The following PARM1 variants were observed in gnomAD, a reference collection of about 807,000 sequenced individuals.
PARM1 encodes the protein prostate androgen-regulated mucin-like protein 1.
PARM1 carries 14 observed loss-of-function variants against 24.6 expected under a neutral mutation model. The observed-to-expected ratio is 0.57, with a 90% CI of 0.38 to 0.89. The LOEUF (loss-of-function observed/expected upper bound fraction) is 0.89. Ranked by LOEUF, PARM1 falls within the 40% of genes least tolerant of loss-of-function variation. The pLI, the probability that PARM1 is intolerant of heterozygous loss-of-function variation, is 0.00. For synonymous variants in PARM1, 179 were observed against 156.6 expected, an observed-to-expected ratio of 1.14 and a Z score of -1.07; for missense variants, 362 against 380.4, an observed-to-expected ratio of 0.95 and a Z score of 0.40.
chr4:74,995,813 C>T (rs17386703), intron 1 of PARM1, among the ~76,000 whole-genome samples: 8,028 of 152,252 alleles, frequency 0.053, 230 homozygotes, highest in Middle Eastern at 0.092. Context: ...TGTCTGCCCT[C>T]ACCAGAGCGA....
intron 2 of PARM1, among the ~76,000 whole-genome samples, chr4:75,023,052 G>C (rs1723118829): frequency 6.6e-6 from 1 of 152,142 alleles, no homozygotes; most frequent in Admixed American, 6.5e-5. Context: ...GTAGACCAGA[G>C]GCTCAAAGAT....
Position 74,958,515 on chromosome 4 carries a change from G to C in PARM1, c.43+25145G>C, listed in dbSNP as rs537407094. On this transcript the variant is annotated intron_variant, in intron 1 of 3. Coordinates refer to ENST00000307428, the MANE Select transcript of PARM1 (RefSeq NM_015393.4). ...TGCCAAGCAAAGAAAATGAAAAGCT[G>C]GGGGTAGAGGAGTACTCTGACAAAG... Among the ~76,000 whole-genome samples, 50 of 152,274 alleles carry C rather than the reference G, an allele frequency of 3.3e-4. 2 individuals carry two copies. The South Asian group carries it at 9.7e-3, about 30-fold the overall frequency.
At chr4:74,965,286 T>G (rs1721874182) in intron 1 of PARM1, 1 of 152,230 alleles carries the variant, frequency 6.6e-6, no homozygotes, top group African/African-American at 2.4e-5. Context: ...TCTGCGCAGA[T>G]AGTCTTCAGA....
intron 1 of PARM1, among the ~76,000 whole-genome samples, chr4:74,944,115 G>A (rs1721363688): frequency 6.6e-6 from 1 of 152,142 alleles, no homozygotes; most frequent in African/African-American, 2.4e-5. Context: ...AAATCCCCAA[G>A]GTTGGCATAT....
intron 1 of PARM1, among the ~76,000 whole-genome samples, chr4:74,969,173 A>T (rs893486713): frequency 2.6e-5 from 4 of 152,156 alleles, no homozygotes; most frequent in Non-Finnish European, 5.9e-5. Flanking sequence ...GGCAGCCGAC[A>T]TCCCCTACTC....
chr4:74,991,504 A>G (rs1475098625), intron 1 of PARM1, among the ~76,000 whole-genome samples: 1 of 151,282 alleles, frequency 6.6e-6, no homozygotes, highest in African/African-American at 2.4e-5. Flanking sequence ...GAGGCAGAGT[A>G]CCAGAGATGC....
chr4:75,023,607 C>A (rs1345715558), intron 2 of PARM1, among the ~76,000 whole-genome samples: 3 of 152,106 alleles, frequency 2.0e-5, no homozygotes, highest in Non-Finnish European at 2.9e-5. Flanking sequence ...TAAGTACCTG[C>A]CTACAGCATA....
chr4:75,034,062 C>A, intron 3 of PARM1, 101 bp downstream of exon 3: 1 of 913,688 alleles, frequency 1.1e-6, no homozygotes, highest in Non-Finnish European at 1.7e-6. Flanking sequence ...GGTATCTTAG[C>A]CCTTAGAAAT....
intron 1 of PARM1, among the ~76,000 whole-genome samples, chr4:74,998,735 A>C (rs1578044764): frequency 6.6e-6 from 1 of 152,206 alleles, no homozygotes; most frequent in East Asian, 1.9e-4. Flanking sequence ...GTGTTACACT[A>C]ATCTCCCAAT....
chr4:75,033,324 A>C (rs1168061221), intron 2 of PARM1, among the ~76,000 whole-genome samples: 1 of 152,214 alleles, frequency 6.6e-6, no homozygotes, highest in African/African-American at 2.4e-5. Flanking sequence ...CTTTCACTTG[A>C]TTGCCTCATT....
chr4:75,011,221 C>T (rs1406668181), intron 1 of PARM1, among the ~76,000 whole-genome samples: 1 of 152,172 alleles, frequency 6.6e-6, no homozygotes, highest in Non-Finnish European at 1.5e-5. Context: ...CACATCCAAA[C>T]TAATCAGCAG....
chr4:75,042,788 G>A (rs958950020), intron 3 of PARM1, among the ~76,000 whole-genome samples: 7 of 151,898 alleles, frequency 4.6e-5, no homozygotes, highest in African/African-American at 1.7e-4. Flanking sequence ...AACCTGGCTG[G>A]AATCCCAGTA....
intron 1 of PARM1, chr4:74,999,192 C>T (rs1176407326): frequency 6.6e-6 from 1 of 152,230 alleles, no homozygotes; most frequent in Non-Finnish European, 1.5e-5. Context: ...CAATGATCCT[C>T]AGATTCTAAG....
intron 3 of PARM1, among the ~76,000 whole-genome samples, chr4:75,042,913 A>G (rs1053393025): frequency 8.6e-5 from 13 of 151,230 alleles, no homozygotes; most frequent in Non-Finnish European, 1.6e-4. Flanking sequence ...ACTTATCAGC[A>G]TTTTACTCAA....
chr4:75,035,949 T>C (rs1723359880), intron 3 of PARM1, among the ~76,000 whole-genome samples: 2 of 152,192 alleles, frequency 1.3e-5, no homozygotes, highest in African/African-American at 2.4e-5. Context: ...TTCCATCTGG[T>C]TTAATTATTA....
intron 1 of PARM1, among the ~76,000 whole-genome samples, chr4:74,961,461 A>G (rs1395753615): frequency 6.6e-6 from 1 of 152,234 alleles, no homozygotes; most frequent in Non-Finnish European, 1.5e-5. Flanking sequence ...AAGAAGCTCA[A>G]CAAACTGTAA....
chr4:74,943,113 G>T (rs1489742686), intron 1 of PARM1, among the ~76,000 whole-genome samples: 1 of 152,118 alleles, frequency 6.6e-6, no homozygotes, highest in Non-Finnish European at 1.5e-5. Flanking sequence ...TTCTCAATGA[G>T]ACTTACCCTG....
intron 2 of PARM1, among the ~76,000 whole-genome samples, chr4:75,028,343 C>T (rs1723219586): frequency 6.6e-6 from 1 of 152,196 alleles, no homozygotes; most frequent in Admixed American, 6.5e-5. Context: ...TTCCCTCCTC[C>T]AGCACATCCA....
chr4:75,012,084 G>T (rs1722881215), intron 1 of PARM1, among the ~76,000 whole-genome samples: 1 of 152,208 alleles, frequency 6.6e-6, no homozygotes, highest in South Asian at 2.1e-4. Context: ...GTCCAGACAA[G>T]TTCCCATAAA....
Sources: gnomAD v4.1 joint callset for allele counts (sites outside exome capture counted in the v4.1 genomes callset) on GRCh38, gnomAD v4.1.1 for gene constraint, MANE v1.5 for transcripts, NCBI Gene and HGNC (gene_info 2026-07-23, HGNC 2026-07-21) for gene names.